The following THADA variants were observed in gnomAD, a reference collection of about 807,000 sequenced individuals.
THADA encodes tRNA (32-2'-O)-methyltransferase regulator THADA.
THADA carries 213 observed loss-of-function variants against 219.8 expected under a neutral mutation model. The ratio of observed to expected loss-of-function variants is 0.97; its 90% CI spans 0.87 to 1.09. The LOEUF (loss-of-function observed/expected upper bound fraction) is 1.09. THADA is among the 50% of genes least tolerant of loss of function. The pLI is 0.00. For missense variants in THADA, 2,956 were observed against 2,311.3 expected (o/e 1.28, Z -5.72); for synonymous variants, 1,018 against 828.9 (o/e 1.23, Z -3.92).
In THADA at chr2:43,537,128, T is replaced by C. The variant is rs193198903; in HGVS notation, c.3264+4031A>G. On this transcript the variant is annotated intron_variant, in intron 21 of 37. Transcript: ENST00000405975. ...TCCTACAGTGATTTGTTACTAACTT[T>C]TGGGATTTCTTCAAAGCTCAAACAC... Among the ~76,000 whole-genome samples the C allele has an allele frequency of 8.5e-4, 129 of 152,358 alleles. 1 individual carries two copies. Among genetic ancestry groups the C allele is most frequent in the Admixed American group, 8.1e-3 (124 of 15,302 alleles).
intron 26 of THADA, among the ~76,000 whole-genome samples, chr2:43,474,450 G>C (rs1685271157): frequency 6.6e-6 from 1 of 152,170 alleles, no homozygotes; most frequent in Non-Finnish European, 1.5e-5. Flanking sequence ...CCGAGTTCAA[G>C]TGTTATCTCT....
intron 26 of THADA, among the ~76,000 whole-genome samples, chr2:43,457,049 C>T (rs187454547): frequency 5.3e-5 from 8 of 151,426 alleles, no homozygotes; most frequent in South Asian, 2.1e-4. Context: ...TGTGTGTGTG[C>T]ACACACGTGC....
chr2:43,432,529 G>T (rs564165591), intron 26 of THADA, among the ~76,000 whole-genome samples: 26 of 148,082 alleles, frequency 1.8e-4, no homozygotes, highest in African/African-American at 6.5e-4. Context: ...TTAAGGACAC[G>T]TTTTCATTTC....
At chr2:43,381,964 C>T (rs1672089980) in intron 29 of THADA, among the ~76,000 whole-genome samples, 1 of 152,124 alleles carries the variant, frequency 6.6e-6, no homozygotes, top group African/African-American at 2.4e-5. Context: ...CCTCAGTGGT[C>T]TTTCTCCCAA....
At chr2:43,591,449 T>G (rs1701556918) in intron 3 of THADA, among the ~76,000 whole-genome samples, 1 of 152,150 alleles carries the variant, frequency 6.6e-6, no homozygotes, top group South Asian at 2.1e-4. Context: ...CCCACCTCCC[T>G]CTTTACCCTC....
intron 21 of THADA, among the ~76,000 whole-genome samples, chr2:43,534,502 T>C (rs906003809): frequency 1.3e-5 from 2 of 152,196 alleles, no homozygotes; most frequent in Admixed American, 1.3e-4. Context: ...CTTCCCAGCC[T>C]GTAGTATCCT....
chr2:43,287,202 C>A, intron 34 of THADA, 141 bp from the exon 35 acceptor site: 2 of 676,712 alleles, frequency 3.0e-6, no homozygotes, highest in South Asian at 2.3e-5. Context: ...AGTTGCTTTT[C>A]GATTCCAACT....
intron 25 of THADA, chr2:43,486,790 A>G (rs993968077): frequency 2.0e-5 from 3 of 152,192 alleles, no homozygotes; most frequent in Non-Finnish European, 4.4e-5. Flanking sequence ...AGAAGCCAGG[A>G]ACCCTGGTTT....
At chr2:43,409,774 C>T (rs1031945723) in intron 28 of THADA, among the ~76,000 whole-genome samples, 2 of 152,024 alleles carry the variant, frequency 1.3e-5, no homozygotes, top group Admixed American at 1.3e-4. Context: ...AATCCCAGCA[C>T]TTTGGTAGAC....
chr2:43,231,143 A>C lies in THADA; in HGVS notation c.5667T>G (p.Leu1889=). The change falls in exon 38 of 38, where the codon CTT becomes CTG. Residue 1889 remains leucine, a synonymous_variant. Coordinates refer to ENST00000405975, the MANE Select transcript of THADA (RefSeq NM_022065.5). ...CHLLSQFFRE[L]PPAAEFVKTV... ...TCTTCACAAACTCAGCAGCTGGTGG[A>C]AGCTCTCTGAAGAACTGAGACAGGA... 2 of 1,613,890 alleles carry C rather than the reference A, an allele frequency of 1.2e-6. No individual in the cohort carries two copies. The highest frequency in any genetic ancestry group is 1.7e-6 in the Non-Finnish European group (2 of 1,179,832).
At chr2:43,312,332 A>G (rs80325529) in intron 31 of THADA, among the ~76,000 whole-genome samples, 1 of 152,210 alleles carries the variant, frequency 6.6e-6, no homozygotes, top group South Asian at 2.1e-4. Flanking sequence ...CACAGACACA[A>G]CTCTCACATT....
chr2:43,390,514 G>A (rs751671880), intron 29 of THADA, among the ~76,000 whole-genome samples: 3 of 152,106 alleles, frequency 2.0e-5, no homozygotes, highest in African/African-American at 4.8e-5. Flanking sequence ...TTCCAATGAC[G>A]ACTATTCTGA....
Position 43,556,467 on chromosome 2 carries a change from A to T in THADA, c.2552T>A (p.Leu851Gln), listed in dbSNP as rs370938864. The T allele has an allele frequency of 6.2e-6, 10 of 1,613,848 alleles. No individual in the cohort carries two copies. The highest frequency in any genetic ancestry group is 1.3e-5 in the African/African-American group (1 of 74,924). Residue 851 changes from leucine (L) to glutamine (Q), a missense_variant, in exon 17 of 38, where the codon CTG becomes CAG. Leu to Gln is a moderately radical substitution (Grantham distance 113). Coordinates refer to ENST00000405975, the MANE Select transcript of THADA (RefSeq NM_022065.5). ...ATCCTGCCAGATTAAGAAGTTCAGC[A>T]GGTAGGAAGCTGTCACACAGTCGTA... Reference protein sequence around the residue: ...KPYDCVTASYLLNFLIWQDAL... With the variant: ...KPYDCVTASYQLNFLIWQDAL...
At chr2:43,297,966 C>T (rs111597870) in intron 31 of THADA, among the ~76,000 whole-genome samples, 1 of 75,458 alleles carries the variant, frequency 1.3e-5, no homozygotes, top group Admixed American at 1.1e-4. Context: ...GTCAGCCCCC[C>T]GCCCGGCCAG....
intron 22 of THADA, among the ~76,000 whole-genome samples, chr2:43,520,713 T>TATATATATACACACACAC (rs1218079783): frequency 1.2e-3 from 144 of 125,102 alleles, no homozygotes; most frequent in African/African-American, 4.1e-3. Flanking sequence ...TATATATATA[T>TATATATATACACACACAC]ACACACACAC....
intron 30 of THADA, among the ~76,000 whole-genome samples, chr2:43,339,277 G>T (rs1293944297): frequency 6.6e-6 from 1 of 152,180 alleles, no homozygotes; most frequent in Non-Finnish European, 1.5e-5. Flanking sequence ...CTGCATGCAT[G>T]CATTCATTCA....
At chr2:43,450,809 C>T (rs371380162) in intron 26 of THADA, among the ~76,000 whole-genome samples, 11 of 152,084 alleles carry the variant, frequency 7.2e-5, no homozygotes, top group South Asian at 2.1e-4. Flanking sequence ...TAAATAGTAA[C>T]GGAAGACAGC....
At chr2:43,420,015 C>T (rs1019089071) in intron 28 of THADA, among the ~76,000 whole-genome samples, 2 of 152,170 alleles carry the variant, frequency 1.3e-5, no homozygotes, top group African/African-American at 4.8e-5. Context: ...TGATGCCTTC[C>T]AAGTTATGAA....
chr2:43,253,001 C>T (rs189850256), intron 36 of THADA, among the ~76,000 whole-genome samples: 125 of 152,302 alleles, frequency 8.2e-4, no homozygotes, highest in South Asian at 1.7e-3. Context: ...TCATTCTTGA[C>T]TTCTTGACTT....
Sources: allele counts gnomAD v4.1 joint callset (sites outside exome capture counted in the v4.1 genomes callset), GRCh38; gene constraint gnomAD v4.1.1; transcripts MANE v1.5; gene names NCBI Gene and HGNC (gene_info 2026-07-23, HGNC 2026-07-21).